Variants in ACAA2 observed in about 807,000 individuals in gnomAD.
ACAA2 encodes 3-ketoacyl-CoA thiolase, mitochondrial.
Under a neutral mutation model 44.8 loss-of-function variants are expected in ACAA2, and 35 were observed. The ratio of observed to expected loss-of-function variants is 0.78; its 90% CI spans 0.60 to 1.04. ACAA2 has a LOEUF of 1.04. Among genes scored for constraint, ACAA2 ranks in the 50% least tolerant of loss-of-function variants. The probability of loss-of-function intolerance (pLI) is 0.00; values close to 1 mark genes in which losing one functional copy is unlikely to be tolerated. For synonymous variants in ACAA2, 142 were observed against 166.5 expected, an observed-to-expected ratio of 0.85 and a Z score of 1.13; for missense variants, 468 against 482.6, an observed-to-expected ratio of 0.97 and a Z score of 0.28.
chr18:49,797,668 GA>G, intron 2 of ACAA2, 74 bp from the exon 3 acceptor site: 1 of 1,276,010 alleles, frequency 7.8e-7, no homozygotes, highest in African/African-American at 1.5e-5. Flanking sequence ...GAAATACATG[GA>G]AATGTTGGCA....
At chr18:49,791,670 C>CT in intron 6 of ACAA2, 71 bp from the exon 7 acceptor site, 1 of 1,508,118 alleles carries the variant, frequency 6.6e-7, no homozygotes, top group South Asian at 1.2e-5. Context: ...AACTAATGGA[C>CT]TAGTAGTATT....
At chr18:49,797,973 TTAATA>T (rs2023484589) in intron 2 of ACAA2, among the ~76,000 whole-genome samples, 1 of 152,222 alleles carries the variant, frequency 6.6e-6, no homozygotes, top group Non-Finnish European at 1.5e-5. Flanking sequence ...CATTAAGTCC[TTAATA>T]TAAGACAGAA....
chr18:49,791,552 A>G lies in ACAA2; in HGVS notation c.801T>C (p.Ala267=). ...GTGGTGTGAAGTTATGTTTCTTAAC[A>G]GCATCTTCACTAGCTATGATAACAG... The part of the protein sequence containing the change: ...AGAVIIASED[A]VKKHNFTPLA... Residue 267 remains alanine, a synonymous_variant, in exon 7 of 10, where the codon GCT becomes GCC. Coordinates refer to ENST00000285093, the MANE Select transcript of ACAA2 (RefSeq NM_006111.3). 1.2e-6 allele frequency: 2 copies of G among 1,613,318 alleles called. No homozygotes were observed. The highest frequency in any genetic ancestry group is 1.7e-6 in the Non-Finnish European group (2 of 1,179,836).
At chr18:49,800,768 C>A (rs1040012441) in intron 2 of ACAA2, among the ~76,000 whole-genome samples, 3 of 151,852 alleles carry the variant, frequency 2.0e-5, no homozygotes, top group African/African-American at 4.8e-5. Flanking sequence ...TGCAGAAGGC[C>A]GCAGGGTCCT....
intron 2 of ACAA2, among the ~76,000 whole-genome samples, chr18:49,801,879 T>C (rs956654448): frequency 1.3e-5 from 2 of 150,136 alleles, no homozygotes; most frequent in Non-Finnish European, 3.0e-5. Flanking sequence ...GCACCTATAA[T>C]AGCCTCTAAC....
chr18:49,804,854 T>C (rs2023594696), intron 1 of ACAA2, among the ~76,000 whole-genome samples: 1 of 152,168 alleles, frequency 6.6e-6, no homozygotes, highest in Admixed American at 6.5e-5. Context: ...ATGTGAGTGG[T>C]ACCCACTCAT....
intron 1 of ACAA2, among the ~76,000 whole-genome samples, chr18:49,807,097 G>T (rs150254679): frequency 7.9e-5 from 12 of 152,170 alleles, no homozygotes; most frequent in Non-Finnish European, 1.6e-4. Flanking sequence ...GCAAAAATGC[G>T]TCAACTTTGA....
chr18:49,803,237 TAAA>T (rs1413062905), intron 1 of ACAA2, among the ~76,000 whole-genome samples: 1 of 61,602 alleles, frequency 1.6e-5, no homozygotes, highest in Admixed American at 2.0e-4. Context: ...CCCTGGTAGT[TAAA>T]ATAATAATAA....
intron 8 of ACAA2, chr18:49,785,703 TTCTTTAAAC>T (rs2023320043): frequency 1.3e-5 from 3 of 224,070 alleles, no homozygotes; most frequent in Admixed American, 5.7e-5. Flanking sequence ...CTTATGCATA[TTCTTTAAAC>T]TCTTTAAATT....
intron 9 of ACAA2, 76 bp from the exon 10 acceptor site, chr18:49,784,007 T>C: frequency 8.7e-7 from 1 of 1,152,062 alleles, no homozygotes; most frequent in Non-Finnish European, 1.3e-6. Flanking sequence ...TAACATCACA[T>C]CTGCATTACT....
chr18:49,809,265 A>T (rs1355830101), intron 1 of ACAA2, among the ~76,000 whole-genome samples: 2 of 152,232 alleles, frequency 1.3e-5, no homozygotes, highest in Non-Finnish European at 2.9e-5. Flanking sequence ...CACGTTTTAC[A>T]ATCAATTTGT....
chr18:49,798,143 T>C (rs187189644), intron 2 of ACAA2, among the ~76,000 whole-genome samples: 1 of 152,366 alleles, frequency 6.6e-6, no homozygotes, highest in East Asian at 1.9e-4. Flanking sequence ...CTTAAGTTCC[T>C]AAGCAAATCA....
At chr18:49,785,631 C>G in intron 8 of ACAA2, 1 of 396,830 alleles carries the variant, frequency 2.5e-6, no homozygotes, top group Non-Finnish European at 4.5e-6. Context: ...GTAGAAAGCC[C>G]ACAGGTTTTA....
chr18:49,809,181 T>C (rs1357960147), intron 1 of ACAA2, among the ~76,000 whole-genome samples: 1 of 152,228 alleles, frequency 6.6e-6, no homozygotes, highest in African/African-American at 2.4e-5. Flanking sequence ...AAAGACCTTA[T>C]GGTTATCTTC....
intron 2 of ACAA2, among the ~76,000 whole-genome samples, chr18:49,798,812 G>A (rs1324920221): frequency 6.6e-6 from 1 of 151,816 alleles, no homozygotes; most frequent in Non-Finnish European, 1.5e-5. Flanking sequence ...AAAATTCTTG[G>A]CCAATGGATA....
At chr18:49,797,208 A>G (rs867341445) in intron 3 of ACAA2, among the ~76,000 whole-genome samples, 2 of 151,950 alleles carry the variant, frequency 1.3e-5, no homozygotes, top group Admixed American at 6.6e-5. Flanking sequence ...AGAAGTAGAA[A>G]CATACAGTAT....
chr18:49,795,721 A>G (rs747017927), intron 4 of ACAA2, 44 bp downstream of exon 4: 1 of 1,207,596 alleles, frequency 8.3e-7, no homozygotes, highest in Non-Finnish European at 1.2e-6. Flanking sequence ...GTACTTATAT[A>G]ATGCTAATAA....
intron 6 of ACAA2, 96 bp from the exon 7 acceptor site, chr18:49,791,695 A>G: frequency 7.7e-7 from 1 of 1,292,140 alleles, no homozygotes; most frequent in East Asian, 2.4e-5. Context: ...ATATGGCAGT[A>G]CATAGGAAGC....
chr18:49,799,290 A>G (rs2023500842), intron 2 of ACAA2, among the ~76,000 whole-genome samples: 1 of 150,964 alleles, frequency 6.6e-6, no homozygotes, highest in Non-Finnish European at 1.5e-5. Flanking sequence ...TACTGCTGCC[A>G]TCTCGGCTCA....
Sources: allele counts gnomAD v4.1 joint callset (sites outside exome capture counted in the v4.1 genomes callset), GRCh38; gene constraint gnomAD v4.1.1; transcripts MANE v1.5; gene names NCBI Gene and HGNC (gene_info 2026-07-23, HGNC 2026-07-21).